APTX: variants seen among roughly 807,000 people sequenced by gnomAD.
APTX encodes the protein forkhead-associated domain histidine triad-like protein.
In APTX, 33 loss-of-function variants were observed where a neutral mutation model predicts 42.3. That is an observed-to-expected ratio of 0.78 (90% CI 0.59 to 1.04). The LOEUF is 1.04. APTX is among the 50% of genes least tolerant of loss of function. APTX has a pLI of 0.00. For missense variants in APTX, 421 were observed against 415.1 expected, an observed-to-expected ratio of 1.01 and a Z score of -0.12; for synonymous variants, 130 against 146.7, an observed-to-expected ratio of 0.89 and a Z score of 0.82.
At chr9:33,024,874 G>C (rs1217409946) in intron 1 of APTX, 7 of 94,912 alleles carry the variant, frequency 7.4e-5, no homozygotes, top group South Asian at 6.2e-4. Flanking sequence ...GGGGGGGGGG[G>C]GGGCAAGACT....
intron 1 of APTX, among the ~76,000 whole-genome samples, chr9:33,012,553 G>A (rs1837613745): frequency 6.6e-6 from 1 of 152,082 alleles, no homozygotes. Context: ...AAAGGATCCA[G>A]CTGCCATGCT....
chr9:33,019,995 G>A (rs1010417039), intron 1 of APTX: 5 of 413,586 alleles, frequency 1.2e-5, no homozygotes, highest in Non-Finnish European at 2.2e-5. Context: ...CTGCGTTTCT[G>A]CTAGGACCTG....
intron 1 of APTX, among the ~76,000 whole-genome samples, chr9:33,015,094 T>C (rs937974721): frequency 2.0e-5 from 3 of 152,224 alleles, no homozygotes; most frequent in African/African-American, 4.8e-5. Flanking sequence ...TTACTACCCG[T>C]GTTTTTATTT....
intron 1 of APTX, among the ~76,000 whole-genome samples, chr9:32,998,292 T>C (rs1342294336): frequency 3.3e-5 from 5 of 152,154 alleles, no homozygotes; most frequent in Non-Finnish European, 7.4e-5. Context: ...ACTCAGGCAA[T>C]GTGTACAGAA....
At chr9:33,022,827 TAA>T (rs1423748290) in intron 1 of APTX, among the ~76,000 whole-genome samples, 1 of 152,234 alleles carries the variant, frequency 6.6e-6, no homozygotes, top group Non-Finnish European at 1.5e-5. Flanking sequence ...GAATGCTTCT[TAA>T]AAGTGTTAAC....
intron 2 of APTX, chr9:32,989,459 T>G (rs1218133767): frequency 4.0e-6 from 2 of 502,228 alleles, no homozygotes; most frequent in Non-Finnish European, 3.7e-6. Flanking sequence ...GTTTACATCT[T>G]GCTGCCCATT....
At chr9:33,006,089 GT>G (rs1837116833), upstream of APTX, among the ~76,000 whole-genome samples, 2 of 144,784 alleles carry the variant, frequency 1.4e-5, 1 homozygote, top group East Asian at 4.1e-4. Context: ...TTGTTTGTTT[GT>G]TTTAATTCCA....
rs751933830 is a variant in APTX, at chr9:32,988,094, T to G, written c.169A>C (p.Lys57Gln). The G allele has an allele frequency of 6.2e-7, 1 of 1,614,146 alleles. No individual in the cohort carries two copies. Among genetic ancestry groups the G allele is most frequent in the African/African-American group, 1.3e-5 (1 of 75,056 alleles). The change falls in exon 3 of 8, where the codon AAG (lysine) becomes CAG (glutamine). Residue 57 changes from lysine (K) to glutamine (Q), a missense_variant. Lys to Gln is a moderately conservative substitution (Grantham distance 53). Coordinates refer to ENST00000379817, the MANE Select transcript of APTX (RefSeq NM_001195248.2). ...ATAAATACACCTACCTGCTTTACCT[T>G]GACATATCCCTTGTTACACTCTGCT... Reference protein sequence around the residue: ...LKAECNKGYVKVKQVGVNPTS... With the variant: ...LKAECNKGYVQVKQVGVNPTS...
intron 3 of APTX, 34 bp downstream of exon 3, chr9:32,988,049 C>T (rs556048747): frequency 5.0e-6 from 8 of 1,603,410 alleles, no homozygotes; most frequent in South Asian, 3.3e-5. Context: ...AGAAAATCAT[C>T]GAGTATAAAA....
intron 1 of APTX, chr9:33,019,778 G>C: frequency 3.3e-6 from 2 of 601,290 alleles, no homozygotes; most frequent in Non-Finnish European, 5.8e-6. Flanking sequence ...GTTGATAAGG[G>C]AAATTCGGAG....
chr9:32,981,455 C>T (rs1005969302), intron 6 of APTX, among the ~76,000 whole-genome samples: 3 of 152,058 alleles, frequency 2.0e-5, no homozygotes, highest in Non-Finnish European at 4.4e-5. Flanking sequence ...AGGATTCATA[C>T]ATGCATTTCT....
intron 1 of APTX, among the ~76,000 whole-genome samples, chr9:33,024,429 T>C (rs1838677225): frequency 6.6e-6 from 1 of 152,218 alleles, no homozygotes; most frequent in Non-Finnish European, 1.5e-5. Context: ...AGGTCTTACG[T>C]TGCAGATTGT....
chr9:33,002,698 T>C (rs977316807), upstream of APTX, among the ~76,000 whole-genome samples: 3 of 152,346 alleles, frequency 2.0e-5, no homozygotes, highest in Middle Eastern at 3.4e-3. Flanking sequence ...GTGAGCTCTA[T>C]ATACCTATCA....
intron 1 of APTX, among the ~76,000 whole-genome samples, chr9:33,018,651 A>G (rs10971331): frequency 0.071 from 10,646 of 150,180 alleles, 512 homozygotes; most frequent in Non-Finnish European, 0.11. Context: ...AGGCCGAGGC[A>G]GGTGGATCAC....
chr9:32,989,777 T>G lies in APTX; in HGVS notation c.115A>C (p.Lys39Gln). The G allele has an allele frequency of 6.2e-7, 1 of 1,614,270 alleles. No homozygotes were observed. The highest frequency in any genetic ancestry group is 8.5e-7 in the Non-Finnish European group (1 of 1,180,052). ...CAGTTACCTTGCTGTCGAGAACATT[T>G]CTTATCAGTGATCTTGGTCTCTGGG... The part of the protein sequence containing the change: ...RGPETKITDK[K>Q]CSRQQVQLKA... Residue 39 changes from lysine to glutamine, a missense_variant, in exon 2 of 8, where the codon AAA (lysine) becomes CAA (glutamine). Transcript: ENST00000379817.
intron 1 of APTX, among the ~76,000 whole-genome samples, chr9:33,008,904 T>C (rs1442230613): frequency 6.6e-6 from 1 of 152,232 alleles, no homozygotes; most frequent in Non-Finnish European, 1.5e-5. Flanking sequence ...ATACCTGTAA[T>C]TGGGACACCA....
chr9:33,015,443 C>G (rs947960627), intron 1 of APTX, among the ~76,000 whole-genome samples: 3 of 152,144 alleles, frequency 2.0e-5, no homozygotes, highest in African/African-American at 7.2e-5. Flanking sequence ...CACTGAACCT[C>G]CACCTCCCGG....
chr9:32,987,817 T>A lies in APTX; in HGVS notation c.210A>T (p.Ser70=), dbSNP rs138511333. 1.9e-6 allele frequency: 3 copies of A among 1,613,828 alleles called. No individual in the cohort carries two copies. The highest frequency in any genetic ancestry group is 3.3e-5 in the Admixed American group (2 of 60,026). ...QVGVNPTSID[S]VVIGKDQEVK... ...CCTCTTGGTCCTTCCCAATTACGAC[T>A]GAGTCAATGCTGGTGGGATTGACTC... The change falls in exon 4 of 8, where the codon TCA becomes TCT. Residue 70 remains serine, a synonymous_variant. Transcript: ENST00000379817.
At chr9:32,996,608 C>G (rs975772550) in intron 1 of APTX, among the ~76,000 whole-genome samples, 1 of 152,162 alleles carries the variant, frequency 6.6e-6, no homozygotes, top group African/African-American at 2.4e-5. Context: ...ATTCCTTTCT[C>G]CTAAAACCCA....
Sources: allele counts gnomAD v4.1 joint callset (sites outside exome capture counted in the v4.1 genomes callset), GRCh38; gene constraint gnomAD v4.1.1; transcripts MANE v1.5; gene names NCBI Gene and HGNC (gene_info 2026-07-23, HGNC 2026-07-21).